Variants in CDK14 observed in about 807,000 individuals in gnomAD.
CDK14 encodes the protein cyclin dependent kinase 14.
In CDK14, 34 loss-of-function variants were observed where a neutral mutation model predicts 60.7. The ratio of observed to expected loss-of-function variants is 0.56; its 90% CI spans 0.43 to 0.75. CDK14 has a LOEUF of 0.75. CDK14 is among the 30% of genes least tolerant of loss of function. CDK14 has a pLI of 0.00. For missense variants in CDK14, 482 were observed against 564.1 expected (o/e 0.85, Z 1.47); for synonymous variants, 197 against 203.7 (o/e 0.97, Z 0.28).
intron 9 of CDK14, among the ~76,000 whole-genome samples, chr7:90,968,026 G>A (rs572703037): frequency 1.3e-5 from 2 of 152,314 alleles, no homozygotes; most frequent in East Asian, 3.9e-4. Flanking sequence ...TTCTGTGCTT[G>A]TTATGACAAT....
At chr7:90,837,398 C>T (rs558003985) in intron 5 of CDK14, among the ~76,000 whole-genome samples, 1 of 151,894 alleles carries the variant, frequency 6.6e-6, no homozygotes, top group South Asian at 2.1e-4. Flanking sequence ...AGCAGTTATC[C>T]TGCCTCAGCC....
intron 12 of CDK14, among the ~76,000 whole-genome samples, chr7:91,106,244 C>CA (rs1353728083): frequency 6.6e-6 from 1 of 151,882 alleles, no homozygotes; most frequent in East Asian, 1.9e-4. Flanking sequence ...GAGAAGAGCA[C>CA]AAAGAGGCAG....
At chr7:90,866,898 A>T (rs1415114459) in intron 6 of CDK14, among the ~76,000 whole-genome samples, 1 of 152,188 alleles carries the variant, frequency 6.6e-6, no homozygotes, top group Non-Finnish European at 1.5e-5. Context: ...GAAAAGCTTT[A>T]CAGACCTAAA....
Position 90,791,807 on chromosome 7 carries a change from C to T in CDK14, c.544+1155C>T, listed in dbSNP as rs960718849. 5.3e-4 allele frequency among the ~76,000 whole-genome samples: 80 copies of T among 152,142 alleles called. 1 individual carries two copies. Among genetic ancestry groups the T allele is most frequent in the African/African-American group, 1.2e-3 (51 of 41,520 alleles). The stretch of plus-strand genomic sequence containing the variant: ...TAGCAGATTGCATGGTTGAAACGGT[C>T]TCTTCTGTGACATCAGATTTTCCAA... On this transcript the variant is annotated intron_variant, in intron 5 of 14. Transcript: ENST00000380050.
At chr7:91,029,600 T>TCCG (rs756942901) in intron 10 of CDK14, among the ~76,000 whole-genome samples, 2,205 of 118,450 alleles carry the variant, frequency 0.019, 16 homozygotes, top group Middle Eastern at 0.031. Context: ...TCTCCTCTCC[T>TCCG]CTCCTCTCCT....
intron 3 of CDK14, among the ~76,000 whole-genome samples, chr7:90,739,404 T>G (rs1477400638): frequency 1.3e-5 from 2 of 152,202 alleles, no homozygotes; most frequent in Non-Finnish European, 2.9e-5. Context: ...GAATGGAGAT[T>G]GTTTTTATTA....
intron 7 of CDK14, among the ~76,000 whole-genome samples, chr7:90,899,754 G>A (rs1473874101): frequency 1.3e-5 from 2 of 152,002 alleles, no homozygotes; most frequent in Admixed American, 1.3e-4. Context: ...GGTTCACAGT[G>A]CATGTCTTTT....
chr7:91,159,077 A>G (rs1342333712), intron 14 of CDK14, among the ~76,000 whole-genome samples: 1 of 152,212 alleles, frequency 6.6e-6, no homozygotes, highest in East Asian at 1.9e-4. Context: ...CCAGGCTCCA[A>G]AAGTGTCATT....
intron 6 of CDK14, among the ~76,000 whole-genome samples, chr7:90,875,354 T>G (rs1180911871): frequency 6.6e-6 from 1 of 152,226 alleles, no homozygotes; most frequent in Non-Finnish European, 1.5e-5. Context: ...TTCTTTCAAT[T>G]CTTTTGTGCA....
intron 12 of CDK14, among the ~76,000 whole-genome samples, chr7:91,088,398 T>A (rs1562899118): frequency 6.6e-6 from 1 of 152,204 alleles, no homozygotes; most frequent in East Asian, 1.9e-4. Flanking sequence ...ATTATGTCTT[T>A]AACAACAACA....
chr7:90,604,086 A>T (rs1460293088), intron 1 of CDK14, 132 bp from the exon 2 acceptor site: 1 of 600,382 alleles, frequency 1.7e-6, no homozygotes, highest in Non-Finnish European at 2.9e-6. Context: ...TAACATTGTT[A>T]TTCAGGTTGG....
At chr7:91,083,348 C>T (rs1798534321) in intron 12 of CDK14, among the ~76,000 whole-genome samples, 1 of 152,112 alleles carries the variant, frequency 6.6e-6, no homozygotes, top group South Asian at 2.1e-4. Flanking sequence ...TGTCCACTGC[C>T]CAGCTCTATG....
chr7:90,878,750 A>T (rs74763658), intron 6 of CDK14, among the ~76,000 whole-genome samples: 3,505 of 152,328 alleles, frequency 0.023, 165 homozygotes, highest in East Asian at 0.18. Context: ...TATAGCAAGA[A>T]TTTCTAGAAA....
chr7:90,878,421 A>G (rs139295356), intron 6 of CDK14, among the ~76,000 whole-genome samples: 95 of 152,204 alleles, frequency 6.2e-4, no homozygotes, highest in African/African-American at 2.2e-3. Flanking sequence ...CTGGCCACAG[A>G]TTTATTTGTC....
chr7:91,147,349 G>T (rs899157858), intron 14 of CDK14, among the ~76,000 whole-genome samples: 29 of 151,362 alleles, frequency 1.9e-4, no homozygotes, highest in African/African-American at 6.8e-4. Context: ...TCCAACTAAT[G>T]CTGGCTGCTA....
chr7:91,105,815 C>T (rs1353301315), intron 12 of CDK14, among the ~76,000 whole-genome samples: 1 of 151,986 alleles, frequency 6.6e-6, no homozygotes, highest in African/African-American at 2.4e-5. Context: ...GAAATAAGAT[C>T]ATATAAAAAA....
intron 1 of CDK14, among the ~76,000 whole-genome samples, chr7:90,599,389 G>A (rs993727954): frequency 1.3e-5 from 2 of 152,244 alleles, no homozygotes; most frequent in African/African-American, 4.8e-5. Flanking sequence ...AACGGAGTTA[G>A]GCAGGCCTGG....
At chr7:91,092,761 A>T (rs1020684515) in intron 12 of CDK14, among the ~76,000 whole-genome samples, 2 of 152,210 alleles carry the variant, frequency 1.3e-5, no homozygotes, top group African/African-American at 4.8e-5. Context: ...GGAGAACACG[A>T]GGTACCACTA....
At chr7:90,823,986 GA>G (rs1789635771) in intron 5 of CDK14, among the ~76,000 whole-genome samples, 1 of 152,134 alleles carries the variant, frequency 6.6e-6, no homozygotes, top group Admixed American at 6.6e-5. Flanking sequence ...AAAATTTTGG[GA>G]AAGAAAACAA....
Sources: allele counts gnomAD v4.1 joint callset (sites outside exome capture counted in the v4.1 genomes callset), GRCh38; gene constraint gnomAD v4.1.1; transcripts MANE v1.5; gene names NCBI Gene and HGNC (gene_info 2026-07-23, HGNC 2026-07-21).